The following PFKFB4 variants were observed in gnomAD, a reference collection of about 807,000 sequenced individuals.
PFKFB4 encodes 6-phosphofructo-2-kinase/fructose-2,6-bisphosphatase 4.
A neutral mutation model predicts 62.8 loss-of-function variants in PFKFB4; 42 were observed. That is an observed-to-expected ratio of 0.67 (90% CI 0.52 to 0.86). The LOEUF is 0.86. PFKFB4 is among the 40% of genes least tolerant of loss of function. The pLI is 0.00. For synonymous variants in PFKFB4, 204 were observed against 240.7 expected (o/e 0.85, Z 1.41); for missense variants, 475 against 627.2 (o/e 0.76, Z 2.59).
intron 7 of PFKFB4, 102 bp downstream of exon 7, chr3:48,538,396 T>C: frequency 7.0e-7 from 1 of 1,430,782 alleles, no homozygotes. Flanking sequence ...TCTCTGCTTT[T>C]TGGTCCTCCA....
At chr3:48,555,325 TCA>T (rs1357370903) in intron 1 of PFKFB4, among the ~76,000 whole-genome samples, 3 of 152,134 alleles carry the variant, frequency 2.0e-5, no homozygotes, top group Non-Finnish European at 4.4e-5. Flanking sequence ...CTGCCAGGAC[TCA>T]CAGTGTGGCC....
At chr3:48,543,999 C>G (rs543515009) in intron 3 of PFKFB4, among the ~76,000 whole-genome samples, 3 of 150,598 alleles carry the variant, frequency 2.0e-5, no homozygotes, top group Admixed American at 2.0e-4. Context: ...AAGCCCCCCC[C>G]CGCCCGCCTT....
At chr3:48,554,261 C>T (rs2043245339) in intron 1 of PFKFB4, among the ~76,000 whole-genome samples, 1 of 152,336 alleles carries the variant, frequency 6.6e-6, no homozygotes, top group Middle Eastern at 3.4e-3. Context: ...TCCTTGCAGT[C>T]ACTCAACCTA....
Position 48,522,004 on chromosome 3 carries a change from C to A in PFKFB4, c.1332G>T (p.Thr444=), listed in dbSNP as rs1005360359. The change falls in exon 13 of 14, where the codon ACG becomes ACT. Residue 444 remains threonine, a synonymous_variant. Coordinates refer to ENST00000232375, the MANE Select transcript of PFKFB4 (RefSeq NM_004567.4). ...TTGCTACCTGAGGCCTGTCCCGGTG[C>A]GTGTTCACAGCAGCCACGTTCAGGA... ...SIFLNVAAVN[T]HRDRPQNVDI... is the part of the protein sequence containing the mutation. 6.8e-6 allele frequency: 11 copies of A among 1,614,066 alleles called. No individual in the cohort carries two copies. The highest frequency in any genetic ancestry group is 9.3e-6 in the Non-Finnish European group (11 of 1,179,936).
chr3:48,548,175 T>G (rs1028783526), intron 3 of PFKFB4: 12 of 152,172 alleles, frequency 7.9e-5, no homozygotes, highest in African/African-American at 2.4e-4. Flanking sequence ...GCTGGCAGAC[T>G]CTCCCCACAA....
intron 13 of PFKFB4, 31 bp from the exon 14 acceptor site, chr3:48,519,837 C>T (rs1284664350): frequency 1.3e-6 from 2 of 1,587,644 alleles, no homozygotes; most frequent in East Asian, 2.2e-5. Flanking sequence ...GCGTTCACTC[C>T]ATGGCAGGAA....
chr3:48,520,865 C>T (rs2042076072), intron 13 of PFKFB4, among the ~76,000 whole-genome samples: 1 of 152,208 alleles, frequency 6.6e-6, no homozygotes, highest in South Asian at 2.1e-4. Context: ...ATCACCCTGC[C>T]AACCCAGGGG....
At chr3:48,546,958 G>T (rs577714086) in intron 3 of PFKFB4, among the ~76,000 whole-genome samples, 1 of 152,294 alleles carries the variant, frequency 6.6e-6, no homozygotes, top group South Asian at 2.1e-4. Context: ...CTTGATGCTC[G>T]CTCCTGGTTT....
intron 6 of PFKFB4, 32 bp downstream of exon 6, chr3:48,539,222 G>A (rs904574543): frequency 1.9e-6 from 3 of 1,561,554 alleles, no homozygotes; most frequent in African/African-American, 1.4e-5. Context: ...TGTCACACAC[G>A]ACCTTCTGAC....
intron 1 of PFKFB4, among the ~76,000 whole-genome samples, chr3:48,554,505 C>T (rs935893249): frequency 6.6e-6 from 1 of 152,218 alleles, no homozygotes; most frequent in African/African-American, 2.4e-5. Flanking sequence ...CCTGAGACAC[C>T]GTGATGGCAC....
chr3:48,539,378 C>T (rs562515852), intron 5 of PFKFB4, 68 bp from the exon 6 acceptor site: 5 of 1,378,864 alleles, frequency 3.6e-6, no homozygotes, highest in African/African-American at 1.4e-5. Flanking sequence ...GGCCTCCCGC[C>T]TTGCTCCTCG....
chr3:48,542,348 A>AG (rs1560169899), intron 4 of PFKFB4, among the ~76,000 whole-genome samples: 1 of 151,778 alleles, frequency 6.6e-6, no homozygotes, highest in Non-Finnish European at 1.5e-5. Context: ...AAAAAAAAAA[A>AG]GAAAGAAAGA....
Position 48,549,960 on chromosome 3 carries a change from T to G in PFKFB4, c.215A>C (p.Glu72Ala), listed in dbSNP as rs760450389. The G allele has an allele frequency of 6.2e-7, 1 of 1,610,500 alleles. No homozygotes were observed. The highest frequency in any genetic ancestry group is 8.5e-7 in the Non-Finnish European group (1 of 1,176,724). The change falls in exon 3 of 14, where the codon GAG becomes GCG. Residue 72 changes from glutamate to alanine, a missense_variant and splice_region_variant. Physicochemically the swap from Glu to Ala is moderately radical, Grantham distance 107 (BLOSUM62 -1). Transcript: ENST00000232375. The stretch of plus-strand genomic sequence containing the variant: ...CCGGCGATACTGGCCAACATTGAAC[T>G]CTGGAGGGAAGGAGAGGCTCAGCTT... ...YLNWIGVPTR[E>A]FNVGQYRRDV...
intron 9 of PFKFB4, among the ~76,000 whole-genome samples, chr3:48,529,266 AT>A (rs1465609820): frequency 6.6e-6 from 1 of 151,604 alleles, no homozygotes; most frequent in Non-Finnish European, 1.5e-5. Context: ...TAAAGCTATC[AT>A]TTTTTTAAAG....
intron 6 of PFKFB4, among the ~76,000 whole-genome samples, chr3:48,538,915 T>C (rs566502018): frequency 6.0e-4 from 91 of 152,280 alleles, no homozygotes; most frequent in Middle Eastern, 3.4e-3. Context: ...CAGACCCAGA[T>C]GCCCATTCCT....
At chr3:48,557,236 C>A (rs1268376588), upstream of PFKFB4, among the ~76,000 whole-genome samples, 2 of 152,160 alleles carry the variant, frequency 1.3e-5, no homozygotes, top group Non-Finnish European at 1.5e-5. Flanking sequence ...GCTAGGGAGC[C>A]CAGGGCCCCC....
At chr3:48,546,807 C>T (rs891208413) in intron 3 of PFKFB4, among the ~76,000 whole-genome samples, 3 of 152,152 alleles carry the variant, frequency 2.0e-5, no homozygotes, top group Non-Finnish European at 4.4e-5. Context: ...GCACAGGGTG[C>T]CTATATGACC....
In PFKFB4 at chr3:48,523,884, G is replaced by A. The variant is rs2042175644; in HGVS notation, c.1093-54C>T. ...CAGGCCTGGCTCCGGGGGAGGGACA[G>A]ACACATCCTGGACACTGGGCCACCT... On this transcript the variant is annotated intron_variant, in intron 10 of 13. Transcript: ENST00000232375. 7 of 1,576,844 alleles carry A rather than the reference G, an allele frequency of 4.4e-6. No individual in the cohort carries two copies. In the South Asian group the frequency reaches 6.9e-5, roughly 16 times the overall value.
At chr3:48,563,015 T>G, upstream of PFKFB4, 1 of 1,610,810 alleles carries the variant, frequency 6.2e-7, no homozygotes, top group Non-Finnish European at 8.5e-7. This position sits in a 1 kb window ranked among gnomAD's most constrained non-coding sequence, Gnocchi z 4.5. Context: ...GGGAGTGGTC[T>G]GGGGAGAATT....
Sources: gnomAD v4.1 joint callset for allele counts (sites outside exome capture counted in the v4.1 genomes callset) on GRCh38, gnomAD v4.1.1 for gene constraint, Gnocchi (gnomAD v3.1) non-coding constraint, MANE v1.5 for transcripts, NCBI Gene and HGNC (gene_info 2026-07-23, HGNC 2026-07-21) for gene names.